Variants in GALNT17 observed in about 807,000 individuals in gnomAD.
The protein encoded by GALNT17 is polypeptide N-acetylgalactosaminyltransferase 17, also known as UDP-GalNAc:polypeptide N-acetylgalactosaminyltransferase-like 3.
GALNT17 carries 29 observed loss-of-function variants against 63.7 expected under a neutral mutation model. That is an observed-to-expected ratio of 0.46 (90% CI 0.34 to 0.62). GALNT17 has a LOEUF of 0.62. Ranked by LOEUF, GALNT17 falls within the 20% of genes least tolerant of loss-of-function variation. GALNT17 has a pLI of 0.01. For missense variants in GALNT17, 603 were observed against 799.6 expected (o/e 0.75, Z 2.97); for synonymous variants, 305 against 318.3 (o/e 0.96, Z 0.45).
chr7:71,470,363 C>A (rs1787607706), intron 5 of GALNT17, among the ~76,000 whole-genome samples: 1 of 152,112 alleles, frequency 6.6e-6, no homozygotes, highest in Admixed American at 6.5e-5. Context: ...TTCCTGGTAT[C>A]TCCTGTGGTA....
chr7:71,560,712 C>G (rs557000366), intron 5 of GALNT17, among the ~76,000 whole-genome samples: 1 of 152,266 alleles, frequency 6.6e-6, no homozygotes, highest in East Asian at 1.9e-4. Flanking sequence ...TGGGGGAGGT[C>G]TGTCAGGAGG....
At chr7:71,710,971 A>G in intron 10 of GALNT17, 43 bp downstream of exon 10, 1 of 1,598,898 alleles carries the variant, frequency 6.3e-7, no homozygotes, top group South Asian at 1.1e-5. Flanking sequence ...AGTAGCTGCA[A>G]GAGGCTGCAG....
At chr7:71,490,788 A>G (rs115211554) in intron 5 of GALNT17, among the ~76,000 whole-genome samples, 3,236 of 152,210 alleles carry the variant, frequency 0.021, 45 homozygotes, top group African/African-American at 0.03. Context: ...TACTCCCAGT[A>G]CTTTGGAAGG....
chr7:71,160,933 A>T (rs1788331553), intron 1 of GALNT17, among the ~76,000 whole-genome samples: 1 of 152,088 alleles, frequency 6.6e-6, no homozygotes, highest in Non-Finnish European at 1.5e-5. Flanking sequence ...CCTTGAACTC[A>T]AGCGGCCCTT....
intron 5 of GALNT17, among the ~76,000 whole-genome samples, chr7:71,550,869 T>A (rs927188710): frequency 1.3e-5 from 2 of 152,206 alleles, no homozygotes; most frequent in East Asian, 1.9e-4. Context: ...TGATTTTTTT[T>A]ATTTCCTCTT....
At position 71,227,590 on chromosome 7, in the gene GALNT17, A is replaced by G. The variant is rs556749470; in HGVS notation, c.238+94550A>G. Among the ~76,000 whole-genome samples the G allele has an allele frequency of 4.0e-5, 6 of 151,234 alleles. No homozygotes were observed. In the East Asian group the frequency reaches 9.8e-4, roughly 25 times the overall value. ...GCGAGAGACCCCTGTTATCCCTCCT[A>G]CCCCCCTTGCTAGATGGCTTAATTT... On this transcript the variant is annotated intron_variant, in intron 1 of 10. Coordinates refer to ENST00000333538, the MANE Select transcript of GALNT17 (RefSeq NM_022479.3).
At chr7:71,508,908 G>T (rs117832399) in intron 5 of GALNT17, among the ~76,000 whole-genome samples, 1,986 of 152,224 alleles carry the variant, frequency 0.013, 15 homozygotes, top group Non-Finnish European at 0.017. Flanking sequence ...GTTCTTGTGC[G>T]TGCGCTCGTG....
chr7:71,360,793 C>T (rs73193229), intron 2 of GALNT17, among the ~76,000 whole-genome samples: 23,444 of 151,962 alleles, frequency 0.15, 2,068 homozygotes, highest in East Asian at 0.29. Flanking sequence ...CAAAAATTAG[C>T]TGGGTATGGT....
chr7:71,210,263 C>T (rs987936217), intron 1 of GALNT17, among the ~76,000 whole-genome samples: 2 of 152,124 alleles, frequency 1.3e-5, no homozygotes, highest in African/African-American at 2.4e-5. Flanking sequence ...CCCCTGGGTC[C>T]GTTTCACAAC....
chr7:71,306,718 G>A (rs1313262804), intron 1 of GALNT17, among the ~76,000 whole-genome samples: 3 of 152,222 alleles, frequency 2.0e-5, no homozygotes, highest in Admixed American at 6.5e-5. Flanking sequence ...TTATTCATCT[G>A]TTGATGGGTA....
intron 1 of GALNT17, among the ~76,000 whole-genome samples, chr7:71,328,046 A>G (rs1791734310): frequency 6.6e-6 from 1 of 152,162 alleles, no homozygotes; most frequent in Admixed American, 6.5e-5. Context: ...TTTCTCCTAG[A>G]GTATGCAACT....
At chr7:71,542,267 G>T (rs1023187554) in intron 5 of GALNT17, among the ~76,000 whole-genome samples, 1 of 151,990 alleles carries the variant, frequency 6.6e-6, no homozygotes. Flanking sequence ...CTTCTAGGAA[G>T]GTGGCCCATA....
At chr7:71,143,306 C>T (rs1272866105) in intron 1 of GALNT17, among the ~76,000 whole-genome samples, 1 of 149,886 alleles carries the variant, frequency 6.7e-6, no homozygotes, top group African/African-American at 2.5e-5. Context: ...CCCGTCATCC[C>T]AGTTACTTGG....
intron 6 of GALNT17, among the ~76,000 whole-genome samples, chr7:71,639,169 T>C (rs1224263358): frequency 6.6e-6 from 1 of 152,190 alleles, no homozygotes; most frequent in Non-Finnish European, 1.5e-5. Flanking sequence ...TATTATGCGT[T>C]ACATGCCTGT....
intron 5 of GALNT17, among the ~76,000 whole-genome samples, chr7:71,447,355 T>C (rs1787179535): frequency 6.6e-6 from 1 of 152,184 alleles, no homozygotes; most frequent in African/African-American, 2.4e-5. Context: ...GCATCCTAAA[T>C]TGGAAAATCT....
At chr7:71,144,159 C>G (rs1307910083) in intron 1 of GALNT17, among the ~76,000 whole-genome samples, 1 of 152,114 alleles carries the variant, frequency 6.6e-6, no homozygotes, top group Admixed American at 6.6e-5. Context: ...GAGGTCCAGC[C>G]CCCAACCCTA....
At chr7:71,140,130 C>T (rs532028608) in intron 1 of GALNT17, among the ~76,000 whole-genome samples, 41 of 152,286 alleles carry the variant, frequency 2.7e-4, no homozygotes, top group African/African-American at 9.4e-4. Flanking sequence ...AGATGCTGGA[C>T]GGTACCACCA....
At chr7:71,621,131 T>G (rs1790282640) in intron 6 of GALNT17, among the ~76,000 whole-genome samples, 1 of 152,196 alleles carries the variant, frequency 6.6e-6, no homozygotes, top group South Asian at 2.1e-4. Context: ...AATTGGATCC[T>G]TAGGTAAAGA....
chr7:71,202,672 T>G (rs2116371023), intron 1 of GALNT17, among the ~76,000 whole-genome samples: 2 of 152,326 alleles, frequency 1.3e-5, no homozygotes, highest in South Asian at 4.1e-4. Flanking sequence ...CTTAGCAATT[T>G]TCAAATATGT....
Sources: gnomAD v4.1 joint callset for allele counts (sites outside exome capture counted in the v4.1 genomes callset) on GRCh38, gnomAD v4.1.1 for gene constraint, MANE v1.5 for transcripts, NCBI Gene and HGNC (gene_info 2026-07-23, HGNC 2026-07-21) for gene names.